The following TNPO1 variants were observed in gnomAD, a reference collection of about 807,000 sequenced individuals.
TNPO1 encodes the protein transportin 1.
Under a neutral mutation model 119.5 loss-of-function variants are expected in TNPO1, and 8 were observed. The ratio of observed to expected loss-of-function variants is 0.07; its 90% CI spans 0.04 to 0.12. TNPO1 has a LOEUF of 0.12. Ranked by LOEUF, TNPO1 falls within the 10% of genes least tolerant of loss-of-function variation. The probability of loss-of-function intolerance (pLI) is 1.00; values close to 1 mark genes in which losing one functional copy is unlikely to be tolerated. For synonymous variants in TNPO1, 362 were observed against 363.0 expected (o/e 1.00, Z 0.03); for missense variants, 576 against 1,089.8 (o/e 0.53, Z 6.64).
At chr5:72,838,156 C>G (rs1049088529) in intron 1 of TNPO1, among the ~76,000 whole-genome samples, 3 of 152,102 alleles carry the variant, frequency 2.0e-5, no homozygotes, top group Admixed American at 2.0e-4. Context: ...TCATTCAGCC[C>G]TTACCAATAA....
At chr5:72,889,764 C>CTTTTT in intron 13 of TNPO1, 22 bp from the exon 14 acceptor site, 1 of 1,315,736 alleles carries the variant, frequency 7.6e-7, no homozygotes, top group Non-Finnish European at 1.0e-6. Context: ...AATAAGTATT[C>CTTTTT]TTTTTTTTTT....
At chr5:72,858,719 C>T (rs995995056) in intron 4 of TNPO1, among the ~76,000 whole-genome samples, 2 of 152,022 alleles carry the variant, frequency 1.3e-5, no homozygotes, top group Non-Finnish European at 2.9e-5. Flanking sequence ...CACCTGTAGT[C>T]CCAGCTACTC....
At chr5:72,869,049 A>G (rs932827609) in intron 6 of TNPO1, among the ~76,000 whole-genome samples, 3 of 152,190 alleles carry the variant, frequency 2.0e-5, no homozygotes, top group African/African-American at 7.2e-5. Flanking sequence ...ATGAATTTCT[A>G]CACAGCAAGG....
chr5:72,858,189 A>G (rs896172442), intron 4 of TNPO1, among the ~76,000 whole-genome samples: 1 of 152,120 alleles, frequency 6.6e-6, no homozygotes, highest in Admixed American at 6.5e-5. Flanking sequence ...CTAGGATTTG[A>G]TAAAAAAGCA....
chr5:72,831,446 G>C (rs1744460131), intron 1 of TNPO1, among the ~76,000 whole-genome samples: 1 of 151,604 alleles, frequency 6.6e-6, no homozygotes, highest in South Asian at 2.1e-4. Context: ...ATAAAATTTG[G>C]GGATTTGTTC....
At chr5:72,875,281 TC>T (rs1747677842) in intron 7 of TNPO1, among the ~76,000 whole-genome samples, 1 of 152,188 alleles carries the variant, frequency 6.6e-6, no homozygotes, top group Admixed American at 6.5e-5. Context: ...ACCTTAAAAA[TC>T]AGGGTTGGTA....
At chr5:72,859,776 AAG>A (rs1746284921) in intron 4 of TNPO1, among the ~76,000 whole-genome samples, 1 of 152,228 alleles carries the variant, frequency 6.6e-6, no homozygotes, top group Non-Finnish European at 1.5e-5. Flanking sequence ...TATTGGGTCA[AAG>A]TGTGTTTAAA....
At chr5:72,886,831 G>A (rs1319448230) in intron 11 of TNPO1, among the ~76,000 whole-genome samples, 1 of 136,518 alleles carries the variant, frequency 7.3e-6, no homozygotes, top group African/African-American at 2.7e-5. Flanking sequence ...AGAGGTTGCA[G>A]TGAGCCAAGA....
chr5:72,842,762 T>A (rs185236357), intron 1 of TNPO1, among the ~76,000 whole-genome samples: 3 of 152,344 alleles, frequency 2.0e-5, no homozygotes, highest in Non-Finnish European at 2.9e-5. Context: ...GAACAAAAGA[T>A]GAACCTCTCC....
Position 72,877,448 on chromosome 5 carries a change from G to A in TNPO1, c.920+102G>A, listed in dbSNP as rs896805364. The A allele has an allele frequency of 7.1e-5, 45 of 631,934 alleles. No individual in the cohort carries two copies. In the Middle Eastern group the frequency reaches 1.9e-3, roughly 27 times the overall value. 39.1% of individuals were successfully genotyped at this position (631,934 alleles called of 1,614,324 possible). A position where few individuals can be genotyped will look rare whatever the true frequency, so the allele number is the denominator to read the frequency against. ...ATTCATTCTTTTGCCATCAGGGAGT[G>A]AGATTCTAAAGAAGCCAGACTTAAT... is the stretch of plus-strand genomic sequence containing the variant. On this transcript the variant is annotated intron_variant, in intron 9 of 24. Transcript: ENST00000337273.
intron 1 of TNPO1, among the ~76,000 whole-genome samples, chr5:72,826,936 G>A (rs1744230482): frequency 6.6e-6 from 1 of 151,856 alleles, no homozygotes; most frequent in Admixed American, 6.6e-5. Context: ...ACATGTTAAT[G>A]TTTTACATTA....
intron 3 of TNPO1, among the ~76,000 whole-genome samples, chr5:72,854,032 C>T (rs34659): frequency 0.14 from 20,658 of 152,086 alleles, 1,579 homozygotes; most frequent in East Asian, 0.3. Context: ...AATTCTTCAT[C>T]TTGTAACCTT....
chr5:72,841,135 T>C (rs1171974979), intron 1 of TNPO1, among the ~76,000 whole-genome samples: 1 of 151,904 alleles, frequency 6.6e-6, no homozygotes, highest in Non-Finnish European at 1.5e-5. Flanking sequence ...TTTTTTTTTT[T>C]TGGAGACCGA....
chr5:72,825,146 A>C (rs1356916526), intron 1 of TNPO1, among the ~76,000 whole-genome samples: 2 of 152,106 alleles, frequency 1.3e-5, no homozygotes, highest in Non-Finnish European at 2.9e-5. Context: ...CTACCATCAC[A>C]TCTTGTTGGA....
chr5:72,851,555 C>A (rs1415523124), intron 3 of TNPO1, among the ~76,000 whole-genome samples: 1 of 152,212 alleles, frequency 6.6e-6, no homozygotes, highest in South Asian at 2.1e-4. Context: ...TGCAGTGGTG[C>A]GATCTTGGCT....
At chr5:72,830,951 G>A (rs1744429759) in intron 1 of TNPO1, among the ~76,000 whole-genome samples, 1 of 152,242 alleles carries the variant, frequency 6.6e-6, no homozygotes, top group South Asian at 2.1e-4. Context: ...GACTAAACAG[G>A]CACGCAGAAT....
chr5:72,892,528 T>G (rs1180735737), intron 15 of TNPO1, among the ~76,000 whole-genome samples: 1 of 152,134 alleles, frequency 6.6e-6, no homozygotes. Flanking sequence ...GAAGAATCAT[T>G]ATGGTTCATT....
chr5:72,881,330 C>T (rs1454778428), intron 9 of TNPO1, among the ~76,000 whole-genome samples: 1 of 152,086 alleles, frequency 6.6e-6, no homozygotes, highest in Non-Finnish European at 1.5e-5. Flanking sequence ...GGGCTGGTCT[C>T]GAACTCCTGA....
chr5:72,878,685 A>T (rs1208271322), intron 9 of TNPO1: 1 of 199,612 alleles, frequency 5.0e-6, no homozygotes, highest in Non-Finnish European at 1.0e-5. Flanking sequence ...TCTCTTTAGG[A>T]AATCTATTAA....
Sources: allele counts gnomAD v4.1 joint callset (sites outside exome capture counted in the v4.1 genomes callset), GRCh38; gene constraint gnomAD v4.1.1; transcripts MANE v1.5; gene names NCBI Gene and HGNC (gene_info 2026-07-23, HGNC 2026-07-21).